Variants in ADAMTS20 observed in about 807,000 individuals in gnomAD.
The protein encoded by ADAMTS20 is A disintegrin and metalloproteinase with thrombospondin motifs 20.
ADAMTS20 carries 225 observed loss-of-function variants against 260.1 expected under a neutral mutation model. That is an observed-to-expected ratio of 0.87 (90% CI 0.78 to 0.97). The LOEUF (loss-of-function observed/expected upper bound fraction) is 0.97, where lower values mean the gene tolerates loss of function less well. ADAMTS20 is among the 50% of genes least tolerant of loss of function. The pLI, the probability that ADAMTS20 is intolerant of heterozygous loss-of-function variation, is 0.00. For synonymous variants in ADAMTS20, 802 were observed against 769.5 expected (o/e 1.04, Z -0.70); for missense variants, 2,400 against 2,337.7 (o/e 1.03, Z -0.55).
intron 3 of ADAMTS20, among the ~76,000 whole-genome samples, chr12:43,503,081 C>T (rs867047047): frequency 4.6e-5 from 7 of 152,100 alleles, no homozygotes; most frequent in African/African-American, 9.7e-5. Flanking sequence ...TTAAGTCCTA[C>T]GCACTTACAG....
chr12:43,390,560 A>C (rs907269601), intron 29 of ADAMTS20, among the ~76,000 whole-genome samples: 1 of 152,230 alleles, frequency 6.6e-6, no homozygotes, highest in African/African-American at 2.4e-5. Context: ...CCTAACAGCC[A>C]ATTTCATCAC....
intron 3 of ADAMTS20, among the ~76,000 whole-genome samples, chr12:43,504,716 T>C (rs1942817319): frequency 6.6e-6 from 1 of 152,170 alleles, no homozygotes; most frequent in South Asian, 2.1e-4. Context: ...TAGCACCTCA[T>C]AAAGCTTACA....
intron 2 of ADAMTS20, among the ~76,000 whole-genome samples, chr12:43,541,361 G>C (rs1943374263): frequency 6.6e-6 from 1 of 152,076 alleles, no homozygotes; most frequent in Non-Finnish European, 1.5e-5. Flanking sequence ...TGAAATAATT[G>C]TATCTACCCA....
Position 43,376,576 on chromosome 12 carries a change from T to A in ADAMTS20, c.5073A>T (p.Leu1691Phe). ...CACCTGGTTTTAAATGGTTTAAACA[T>A]AAGTCACTGGACAAACCATGTTTGG... is the stretch of plus-strand genomic sequence containing the variant. ...CITKHGLSSD[L>F]CLNHLKPGAQ... Residue 1691 changes from leucine (L) to phenylalanine (F), a missense_variant, in exon 33 of 39, where the codon TTA (leucine) becomes TTT (phenylalanine). Physicochemically the swap from Leu to Phe is conservative, Grantham distance 22. Transcript: ENST00000389420. 1 of 1,613,702 alleles carries A rather than the reference T, an allele frequency of 6.2e-7. No homozygotes were observed. Among genetic ancestry groups the A allele is most frequent in the Non-Finnish European group, 8.5e-7 (1 of 1,179,744 alleles).
In ADAMTS20 at chr12:43,532,017, GT is replaced by G. The variant is rs753968297; in HGVS notation, c.613+18del. ...TAGTATCACTATTTAGCTGAAAAGA[GT>G]TCTATTTCACAGTTTACCTGACACA... is the stretch of plus-strand genomic sequence containing the variant. On this transcript the variant is annotated intron_variant, in intron 3 of 38. Transcript: ENST00000389420. 2 of 1,462,966 alleles carry G rather than the reference GT, an allele frequency of 1.4e-6. No homozygotes were observed. The highest frequency in any genetic ancestry group is 4.3e-5 in the Admixed American group (2 of 46,626). 90.6% of individuals were successfully genotyped at this position (1,462,966 alleles called of 1,614,324 possible).
chr12:43,439,341 T>C (rs76359393), intron 18 of ADAMTS20, among the ~76,000 whole-genome samples: 1,611 of 152,280 alleles, frequency 0.011, 23 homozygotes, highest in African/African-American at 0.037. Context: ...AGAGAAACTT[T>C]CTGTGGCTGT....
chr12:43,490,566 A>T (rs1942585408), intron 6 of ADAMTS20, 131 bp from the exon 7 acceptor site: 1 of 467,294 alleles, frequency 2.1e-6, no homozygotes, highest in Non-Finnish European at 3.8e-6. Flanking sequence ...AGTTCACATT[A>T]ACCTCTCAAA....
At chr12:43,496,760 GA>G (rs1296647528) in intron 4 of ADAMTS20, among the ~76,000 whole-genome samples, 1 of 152,048 alleles carries the variant, frequency 6.6e-6, no homozygotes, top group Non-Finnish European at 1.5e-5. Context: ...TTGTTTTAAA[GA>G]ACAAAATCAT....
At chr12:43,377,801 CGT>C (rs57655714) in intron 31 of ADAMTS20, among the ~76,000 whole-genome samples, 7 of 150,342 alleles carry the variant, frequency 4.7e-5, no homozygotes, top group African/African-American at 7.3e-5. Flanking sequence ...CCTGTGTGTG[CGT>C]GTGTGTGTGT....
At chr12:43,442,361 G>A (rs1417321428) in intron 16 of ADAMTS20, among the ~76,000 whole-genome samples, 2 of 151,550 alleles carry the variant, frequency 1.3e-5, no homozygotes, top group South Asian at 2.1e-4. Flanking sequence ...AGATTCCAGC[G>A]ATTCTCCTGC....
Position 43,439,722 on chromosome 12 carries a change from AG to A in ADAMTS20, c.2492del (p.Pro831LeufsTer41). On this transcript the variant is annotated frameshift_variant, in exon 18 of 39. Coordinates refer to ENST00000389420, the MANE Select transcript of ADAMTS20 (RefSeq NM_025003.5). LOFTEE classifies it high-confidence loss of function. ...GGATATTGAAGGAATAATGTACATC[AG>A]GGTTGTATAAATTACCCACACACAA... is the stretch of plus-strand genomic sequence containing the variant. ...QVLCVGNLYN[P>X]DVHYSFNIPL... 1 of 1,613,324 alleles carries A rather than the reference AG, an allele frequency of 6.2e-7. No individual in the cohort carries two copies. The highest frequency in any genetic ancestry group is 8.5e-7 in the Non-Finnish European group (1 of 1,179,540).
intron 36 of ADAMTS20, among the ~76,000 whole-genome samples, chr12:43,374,328 T>C (rs1173511080): frequency 6.6e-6 from 1 of 152,202 alleles, no homozygotes; most frequent in African/African-American, 2.4e-5. Flanking sequence ...TTGCTTTCTA[T>C]GACTTATGCA....
Position 43,428,621 on chromosome 12 carries a change from A to C in ADAMTS20, c.3654+14T>G. ...AAATTTTTCATTTTCTTTTTTTCTC[A>C]TAAGAATACTTACGGGTGACCAATC... On this transcript the variant is annotated intron_variant, in intron 25 of 38. Coordinates refer to ENST00000389420, the MANE Select transcript of ADAMTS20 (RefSeq NM_025003.5). The C allele has an allele frequency of 6.5e-7, 1 of 1,528,966 alleles. No individual in the cohort carries two copies. Among genetic ancestry groups the C allele is most frequent in the Non-Finnish European group, 8.8e-7 (1 of 1,142,186 alleles). 94.7% of individuals were successfully genotyped at this position (1,528,966 alleles called of 1,614,324 possible).
intron 22 of ADAMTS20, 139 bp downstream of exon 22, chr12:43,431,193 C>T (rs992562315): frequency 1.4e-6 from 1 of 730,100 alleles, no homozygotes; most frequent in African/African-American, 1.8e-5. Flanking sequence ...TAAAGATTCA[C>T]ATTTCAGGGT....
intron 28 of ADAMTS20, among the ~76,000 whole-genome samples, chr12:43,403,949 C>T (rs548280709): frequency 2.0e-5 from 3 of 152,184 alleles, no homozygotes; most frequent in African/African-American, 7.2e-5. Context: ...ACACGTTCAC[C>T]CATTTCATCC....
At chr12:43,471,051 T>C (rs959239099) in intron 7 of ADAMTS20, among the ~76,000 whole-genome samples, 2 of 152,052 alleles carry the variant, frequency 1.3e-5, no homozygotes, top group Non-Finnish European at 2.9e-5. Flanking sequence ...AGACGGGTGA[T>C]TTCTGCATTT....
At chr12:43,505,985 G>T (rs1257558995) in intron 3 of ADAMTS20, among the ~76,000 whole-genome samples, 3 of 152,178 alleles carry the variant, frequency 2.0e-5, no homozygotes, top group Admixed American at 2.0e-4. Flanking sequence ...GAAGGCATGT[G>T]TGGTGGCATG....
At chr12:43,354,583 C>T (rs560756787) in intron 38 of ADAMTS20, among the ~76,000 whole-genome samples, 2 of 152,172 alleles carry the variant, frequency 1.3e-5, no homozygotes, top group Admixed American at 1.3e-4. Flanking sequence ...CCACATATTT[C>T]AATCTCAATC....
At chr12:43,474,087 G>C (rs1345306533) in intron 7 of ADAMTS20, among the ~76,000 whole-genome samples, 2 of 151,616 alleles carry the variant, frequency 1.3e-5, no homozygotes, top group African/African-American at 4.9e-5. Context: ...TTGATAGACC[G>C]CTAGCAAGAC....
Sources: gnomAD v4.1 joint callset for allele counts (sites outside exome capture counted in the v4.1 genomes callset) on GRCh38, gnomAD v4.1.1 for gene constraint, MANE v1.5 for transcripts, NCBI Gene and HGNC (gene_info 2026-07-23, HGNC 2026-07-21) for gene names.